Variants in ANK1 observed in about 807,000 individuals in gnomAD.
ANK1 encodes the protein ankyrin-1.
ANK1 carries 51 observed loss-of-function variants against 210.4 expected under a neutral mutation model. The ratio of observed to expected loss-of-function variants is 0.24; its 90% CI spans 0.19 to 0.31. The LOEUF (loss-of-function observed/expected upper bound fraction) is 0.31, where lower values mean the gene tolerates loss of function less well. Among genes scored for constraint, ANK1 ranks in the 10% least tolerant of loss-of-function variants. The pLI is 1.00. For synonymous variants in ANK1, 967 were observed against 1,025.9 expected (o/e 0.94, Z 1.10); for missense variants, 2,051 against 2,504.4 (o/e 0.82, Z 3.86).
intron 42 of ANK1, among the ~76,000 whole-genome samples, chr8:41,658,320 C>T (rs1390040107): frequency 6.6e-6 from 1 of 152,220 alleles, no homozygotes; most frequent in Non-Finnish European, 1.5e-5. Flanking sequence ...ACAAGACCTG[C>T]AATTGTTTGA....
In ANK1 at chr8:41,770,234, C is replaced by T. The variant is rs546777242; in HGVS notation, c.28-12097G>A. On this transcript the variant is annotated intron_variant, in intron 1 of 42. Coordinates refer to ENST00000289734, the MANE Select transcript of ANK1 (RefSeq NM_000037.4). ...CTGACCTCAGGTGCTCTGCCCGCCTCGGCCTCCCATGTTGTTGGGATTACG... is the reference window on the plus strand; with the variant it reads ...CTGACCTCAGGTGCTCTGCCCGCCTTGGCCTCCCATGTTGTTGGGATTACG... 7.4e-4 allele frequency among the ~76,000 whole-genome samples: 112 copies of T among 152,260 alleles called. 2 individuals carry two copies. The highest frequency in any genetic ancestry group is 2.5e-3 in the African/African-American group (104 of 41,546).
chr8:41,656,582 C>T (rs1563312582), intron 42 of ANK1, among the ~76,000 whole-genome samples: 1 of 152,224 alleles, frequency 6.6e-6, no homozygotes. Flanking sequence ...GTGAAAACTC[C>T]ATGTTTTCAA....
chr8:41,706,332 C>T (rs754482540), intron 17 of ANK1, 91 bp from the exon 18 acceptor site: 196 of 1,192,868 alleles, frequency 1.6e-4, no homozygotes, highest in Non-Finnish European at 2.3e-4. Flanking sequence ...CTGAAGCTAA[C>T]TTTGCAGTCA....
chr8:41,713,483 C>A (rs1563527087), intron 16 of ANK1, among the ~76,000 whole-genome samples: 1 of 152,250 alleles, frequency 6.6e-6, no homozygotes, highest in Non-Finnish European at 1.5e-5. Flanking sequence ...GGTCACGGAA[C>A]CTGCTGCTCT....
At chr8:41,743,217 C>A (rs556228503) in intron 2 of ANK1, among the ~76,000 whole-genome samples, 2 of 152,122 alleles carry the variant, frequency 1.3e-5, no homozygotes, top group African/African-American at 4.8e-5. Context: ...GGAGTGACTG[C>A]CATACTTACT....
At chr8:41,656,013 G>T (rs1021481424) in intron 42 of ANK1, among the ~76,000 whole-genome samples, 1 of 152,366 alleles carries the variant, frequency 6.6e-6, no homozygotes, top group Non-Finnish European at 1.5e-5. Context: ...TTCTGAGTGT[G>T]CAAGTGTTCC....
chr8:41,770,542 A>T (rs964948696), intron 1 of ANK1, among the ~76,000 whole-genome samples: 6 of 152,208 alleles, frequency 3.9e-5, no homozygotes, highest in African/African-American at 1.4e-4. Flanking sequence ...TACAATCACA[A>T]ATTAAAAGAT....
chr8:41,695,081 C>T, intron 27 of ANK1, 96 bp downstream of exon 27: 1 of 1,546,478 alleles, frequency 6.5e-7, no homozygotes, highest in Non-Finnish European at 8.9e-7. Context: ...TGGGGCTTCC[C>T]AAACTTCAGG....
intron 42 of ANK1, chr8:41,660,564 C>T (rs956386966): frequency 2.2e-6 from 1 of 457,868 alleles, no homozygotes; most frequent in African/African-American, 2.0e-5. Context: ...CCACACACAC[C>T]TGCTGGAGAT....
At chr8:41,697,114 G>A (rs1821279284) in intron 24 of ANK1, among the ~76,000 whole-genome samples, 1 of 152,134 alleles carries the variant, frequency 6.6e-6, no homozygotes, top group South Asian at 2.1e-4. Context: ...TGCCCATGGG[G>A]AGCCCTGCCC....
At chr8:41,789,889 A>G (rs1257144458) in intron 1 of ANK1, among the ~76,000 whole-genome samples, 1 of 152,216 alleles carries the variant, frequency 6.6e-6, no homozygotes, top group Non-Finnish European at 1.5e-5. Flanking sequence ...ATAATTCCAC[A>G]CACAAGGTTT....
chr8:41,659,542 G>A (rs954143141), intron 42 of ANK1, among the ~76,000 whole-genome samples: 19 of 152,160 alleles, frequency 1.2e-4, no homozygotes, highest in African/African-American at 3.1e-4. Context: ...TCGGGGATGC[G>A]GATAGTAAAT....
At chr8:41,709,117 T>TAAACAAAC (rs111376912) in intron 16 of ANK1, 142 bp from the exon 17 acceptor site, 9,511 of 616,634 alleles carry the variant, frequency 0.015, 600 homozygotes, top group African/African-American at 0.15. Flanking sequence ...GCAATTTAGG[T>TAAACAAAC]AAACAAACAA....
chr8:41,849,643 G>A (rs1481861345), intron 1 of ANK1, among the ~76,000 whole-genome samples: 8 of 152,172 alleles, frequency 5.3e-5, no homozygotes, highest in Admixed American at 1.3e-4. Flanking sequence ...GGATCCCACC[G>A]CCGCGCAGGG....
intron 39 of ANK1, among the ~76,000 whole-genome samples, chr8:41,666,098 TG>T (rs1472896989): frequency 6.6e-6 from 1 of 152,202 alleles, no homozygotes; most frequent in Admixed American, 6.5e-5. Flanking sequence ...TGTGGGGTCT[TG>T]GGAAGGCTGG....
chr8:41,854,305 A>T (rs991306875), intron 1 of ANK1, among the ~76,000 whole-genome samples: 1 of 152,018 alleles, frequency 6.6e-6, no homozygotes, highest in Non-Finnish European at 1.5e-5. Context: ...GCTTGCTGTG[A>T]CTCCGAATCT....
intron 16 of ANK1, among the ~76,000 whole-genome samples, chr8:41,712,344 GCCAGCCCCCTGTCCTGC>G (rs1826382006): frequency 6.6e-6 from 1 of 152,206 alleles, no homozygotes; most frequent in Non-Finnish European, 1.5e-5. Flanking sequence ...CACTGGCAAG[GCCAGCCCCCTGTCCTGC>G]CCAAGGGTAG....
chr8:41,892,704 ACAGT>A (rs1361857191), intron 1 of ANK1, among the ~76,000 whole-genome samples: 1 of 152,160 alleles, frequency 6.6e-6, no homozygotes, highest in Non-Finnish European at 1.5e-5. Context: ...CCCCCAAAAG[ACAGT>A]CAGTCAAAGG....
At chr8:41,875,981 C>G (rs1223927279) in intron 1 of ANK1, among the ~76,000 whole-genome samples, 1 of 151,978 alleles carries the variant, frequency 6.6e-6, no homozygotes, top group Non-Finnish European at 1.5e-5. Context: ...CCTGCCCGCG[C>G]GCACACACCC....
Sources: gnomAD v4.1 joint callset for allele counts (sites outside exome capture counted in the v4.1 genomes callset) on GRCh38, gnomAD v4.1.1 for gene constraint, MANE v1.5 for transcripts, NCBI Gene and HGNC (gene_info 2026-07-23, HGNC 2026-07-21) for gene names.